Variants in LPP observed in about 807,000 individuals in gnomAD.
The protein encoded by LPP is lipoma-preferred partner.
A neutral mutation model predicts 60.4 loss-of-function variants in LPP; 38 were observed. That is an observed-to-expected ratio of 0.63 (90% CI 0.49 to 0.83). The LOEUF (loss-of-function observed/expected upper bound fraction) is 0.83. Ranked by LOEUF, LPP falls within the 40% of genes least tolerant of loss-of-function variation. LPP has a pLI of 0.00. For missense variants in LPP, 902 were observed against 783.6 expected, an observed-to-expected ratio of 1.15 and a Z score of -1.80; for synonymous variants, 328 against 290.8, an observed-to-expected ratio of 1.13 and a Z score of -1.30.
chr3:188,407,789 T>G lies in LPP; in HGVS notation c.193+1476T>G, dbSNP rs1453309700. ...TATGGTTTTTTTTTTTGTTTGTTTGTTTTTTTTTTTTTTTTTTTGAGATGG... is the reference window on the plus strand; with the variant it reads ...TATGGTTTTTTTTTTTGTTTGTTTGGTTTTTTTTTTTTTTTTTTGAGATGG... On this transcript the variant is annotated intron_variant, in intron 4 of 11. Coordinates refer to ENST00000617246, the MANE Select transcript of LPP (RefSeq NM_001375462.1). Among the ~76,000 whole-genome samples, 73 of 14,080 alleles carry G rather than the reference T, an allele frequency of 5.2e-3. 2 individuals are homozygous for G. Among genetic ancestry groups the G allele is most frequent in the South Asian group, 0.044 (11 of 252 alleles). 9.2% of individuals were successfully genotyped at this position (14,080 alleles called of 152,430 possible).
intron 2 of LPP, among the ~76,000 whole-genome samples, chr3:188,300,584 A>C (rs1749495059): frequency 6.6e-6 from 1 of 151,992 alleles, no homozygotes. Context: ...AAAAGGTCAG[A>C]CCTGTAGAGT....
intron 1 of LPP, among the ~76,000 whole-genome samples, chr3:188,173,526 A>C (rs1468027097): frequency 6.6e-6 from 1 of 151,348 alleles, no homozygotes; most frequent in Non-Finnish European, 1.5e-5. Flanking sequence ...CAAAAAAAAC[A>C]AACAAAAAAA....
At chr3:188,305,596 AAC>A (rs1305320857) in intron 2 of LPP, among the ~76,000 whole-genome samples, 10 of 152,100 alleles carry the variant, frequency 6.6e-5, no homozygotes, top group Non-Finnish European at 7.4e-5. Context: ...CACACACACA[AAC>A]ACACAGATAC....
At chr3:188,699,226 T>C (rs1863885392) in intron 7 of LPP, among the ~76,000 whole-genome samples, 1 of 152,168 alleles carries the variant, frequency 6.6e-6, no homozygotes, top group Non-Finnish European at 1.5e-5. Context: ...GCCCAGGCAC[T>C]ATTATAGCTG....
chr3:188,860,436 T>C (rs1333527539), intron 9 of LPP, among the ~76,000 whole-genome samples: 5 of 152,004 alleles, frequency 3.3e-5, no homozygotes. Context: ...ATGTGGAAAA[T>C]GATGGCATTC....
chr3:188,616,025 A>G (rs1166115271), intron 7 of LPP, among the ~76,000 whole-genome samples: 1 of 152,120 alleles, frequency 6.6e-6, no homozygotes, highest in Non-Finnish European at 1.5e-5. Context: ...ATTTTCTCCC[A>G]TTCTGTAGGT....
At chr3:188,611,417 G>T (rs75266295) in intron 7 of LPP, among the ~76,000 whole-genome samples, 21,932 of 152,170 alleles carry the variant, frequency 0.14, 1,609 homozygotes, top group Non-Finnish European at 0.16. Flanking sequence ...TTGCACCAGT[G>T]CCTCCTGGCC....
rs115058119 is a variant in LPP at position 188,567,703 on chromosome 3, A to T, written c.430-41458A>T. ...ATATACTTATAGTTCCTGGTCTTTG[A>T]GTAAATAGAGCCTAGAAGGATTATC... On this transcript the variant is annotated intron_variant, in intron 6 of 11. Transcript: ENST00000617246. Among the ~76,000 whole-genome samples the T allele has an allele frequency of 4.0e-3, 606 of 152,028 alleles. 7 individuals are homozygous for T. The highest frequency in any genetic ancestry group is 0.014 in the African/African-American group (584 of 41,524).
At chr3:188,661,358 G>A (rs1854537380) in intron 7 of LPP, among the ~76,000 whole-genome samples, 1 of 152,152 alleles carries the variant, frequency 6.6e-6, no homozygotes, top group Non-Finnish European at 1.5e-5. Context: ...AAATACCAAG[G>A]AATGTGATTG....
At chr3:188,736,553 C>T (rs1032296925) in intron 8 of LPP, among the ~76,000 whole-genome samples, 1 of 151,984 alleles carries the variant, frequency 6.6e-6, no homozygotes, top group East Asian at 1.9e-4. Context: ...CTGGTAAGAC[C>T]GTAAATTGGC....
At chr3:188,157,537 CAG>C (rs1716862074) in intron 1 of LPP, among the ~76,000 whole-genome samples, 1 of 152,056 alleles carries the variant, frequency 6.6e-6, no homozygotes, top group East Asian at 1.9e-4. Flanking sequence ...AGAAAAAAGA[CAG>C]GGAGATAGAA....
chr3:188,761,352 A>C (rs1732282438), intron 9 of LPP, among the ~76,000 whole-genome samples: 1 of 152,146 alleles, frequency 6.6e-6, no homozygotes, highest in African/African-American at 2.4e-5. Flanking sequence ...ACAGATCTGA[A>C]AGTTCATCAA....
chr3:188,782,387 A>C (rs1188368139), intron 9 of LPP, among the ~76,000 whole-genome samples: 1 of 152,158 alleles, frequency 6.6e-6, no homozygotes, highest in Non-Finnish European at 1.5e-5. Flanking sequence ...TACTTCCTAC[A>C]TTGTGAAAGG....
At chr3:188,247,846 T>C (rs1727562680) in intron 2 of LPP, among the ~76,000 whole-genome samples, 1 of 151,416 alleles carries the variant, frequency 6.6e-6, no homozygotes, top group Non-Finnish European at 1.5e-5. Context: ...CTAAGGACAC[T>C]GTAAAGCAGC....
chr3:188,352,717 C>G lies in LPP; in HGVS notation c.-10+10998C>G, dbSNP rs986361051. 6.6e-6 allele frequency among the ~76,000 whole-genome samples: 1 copy of G among 151,930 alleles called. No individual in the cohort carries two copies. The highest frequency in any genetic ancestry group is 2.4e-5 in the African/African-American group (1 of 41,352). ...TGATGTTCCAGCTGCATGCACGGCA[C>G]TGAGCCCTGCCTGAGTGCGCACTTC... On this transcript the variant is annotated intron_variant, in intron 3 of 11. Coordinates refer to ENST00000617246, the MANE Select transcript of LPP (RefSeq NM_001375462.1). The surrounding 1 kb of genome is among the most constrained non-coding windows in gnomAD (Gnocchi z 4.4).
At chr3:188,180,033 C>G (rs1247732611) in intron 1 of LPP, 1 of 158,920 alleles carries the variant, frequency 6.3e-6, no homozygotes, top group Non-Finnish European at 1.4e-5. Context: ...TTTCCAGACA[C>G]CAATATATGC....
intron 7 of LPP, among the ~76,000 whole-genome samples, chr3:188,636,290 G>A (rs1390621305): frequency 6.6e-6 from 1 of 152,194 alleles, no homozygotes; most frequent in Non-Finnish European, 1.5e-5. Context: ...AAAGAAAGGG[G>A]TGACAGACGG....
rs147524569 is a variant in LPP at position 188,521,752 on chromosome 3, A to T, written c.307-2913A>T. Among the ~76,000 whole-genome samples, 1,208 of 152,266 alleles carry T rather than the reference A, an allele frequency of 7.9e-3. 11 individuals are homozygous for T. Among genetic ancestry groups the T allele is most frequent in the African/African-American group, 0.027 (1,128 of 41,538 alleles). On this transcript the variant is annotated intron_variant, in intron 5 of 11. Transcript: ENST00000617246. ...CACCCTGGCTTAGATAGAACATGTG[A>T]TATTCTCTTCATTTTATAGATGAGA...
intron 3 of LPP, among the ~76,000 whole-genome samples, chr3:188,380,216 T>C (rs1395694646): frequency 1.3e-5 from 2 of 152,226 alleles, no homozygotes; most frequent in Non-Finnish European, 1.5e-5. Flanking sequence ...ACAGATGATT[T>C]GTTTTCTGTT....
Sources: gnomAD v4.1 joint callset for allele counts (sites outside exome capture counted in the v4.1 genomes callset) on GRCh38, gnomAD v4.1.1 for gene constraint, Gnocchi (gnomAD v3.1) non-coding constraint, MANE v1.5 for transcripts, NCBI Gene and HGNC (gene_info 2026-07-23, HGNC 2026-07-21) for gene names.